The following SERINC5 variants were observed in gnomAD, a reference collection of about 807,000 sequenced individuals.
SERINC5 encodes the protein serine incorporator 5.
A neutral mutation model predicts 63.1 loss-of-function variants in SERINC5; 41 were observed. That is an observed-to-expected ratio of 0.65 (90% CI 0.51 to 0.84). The LOEUF (loss-of-function observed/expected upper bound fraction) is 0.84, where lower values mean the gene tolerates loss of function less well. Ranked by LOEUF, SERINC5 falls within the 40% of genes least tolerant of loss-of-function variation. The pLI, the probability that SERINC5 is intolerant of heterozygous loss-of-function variation, is 0.00. For synonymous variants in SERINC5, 222 were observed against 215.2 expected, an observed-to-expected ratio of 1.03 and a Z score of -0.28; for missense variants, 523 against 573.0, an observed-to-expected ratio of 0.91 and a Z score of 0.89.
chr5:80,149,865 T>C (rs941701522), intron 9 of SERINC5, among the ~76,000 whole-genome samples: 2 of 152,204 alleles, frequency 1.3e-5, no homozygotes, highest in African/African-American at 4.8e-5. Flanking sequence ...AGCTGAGTCC[T>C]TCCCTGGCTG....
intron 1 of SERINC5, among the ~76,000 whole-genome samples, chr5:80,213,245 C>CAAAAAAAAAAAAAG (rs57289084): frequency 5.3e-5 from 7 of 132,682 alleles, no homozygotes; most frequent in African/African-American, 8.6e-5. Flanking sequence ...GACTGCATCT[C>CAAAAAAAAAAAAAG]AAAGAAAGAA....
At chr5:80,144,879 C>T (rs888723959) in intron 11 of SERINC5, among the ~76,000 whole-genome samples, 2 of 151,954 alleles carry the variant, frequency 1.3e-5, no homozygotes, top group African/African-American at 4.8e-5. Context: ...GCCTACATGT[C>T]TAAGCTTAAC....
chr5:80,136,404 T>C (rs1745178139), downstream of SERINC5, among the ~76,000 whole-genome samples: 1 of 152,214 alleles, frequency 6.6e-6, no homozygotes, highest in African/African-American at 2.4e-5. Flanking sequence ...CGGGGTTTCA[T>C]ATTTATATTC....
intron 11 of SERINC5, among the ~76,000 whole-genome samples, chr5:80,126,357 A>G (rs10474608): frequency 0.12 from 17,698 of 152,260 alleles, 1,254 homozygotes; most frequent in South Asian, 0.19. Flanking sequence ...GTTCCCTGCC[A>G]AAGAGAAATG....
chr5:80,142,513 C>A lies in SERINC5; in HGVS notation c.*1150G>T. On this transcript the variant is annotated 3_prime_UTR_variant, in exon 12 of 12. Transcript: ENST00000507668. ...CGCACCTCTTTTTAAGTATATTCGG[C>A]CACTTCCACACATTGCCTAACAAGC... 3 of 985,420 alleles carry A rather than the reference C, an allele frequency of 3.0e-6. No homozygotes were observed. Among genetic ancestry groups the A allele is most frequent in the Non-Finnish European group, 3.6e-6 (3 of 829,948 alleles). 61.0% of individuals were successfully genotyped at this position (985,420 alleles called of 1,614,324 possible). A position where few individuals can be genotyped will look rare whatever the true frequency, so the allele number is the denominator to read the frequency against.
intron 11 of SERINC5, among the ~76,000 whole-genome samples, chr5:80,124,852 C>G (rs1185133569): frequency 6.6e-6 from 1 of 152,158 alleles, no homozygotes; most frequent in African/African-American, 2.4e-5. Context: ...GCCCAACTCC[C>G]ACCCAGGGTG....
chr5:80,181,361 C>T (rs1748405703), intron 2 of SERINC5, among the ~76,000 whole-genome samples: 1 of 151,790 alleles, frequency 6.6e-6, no homozygotes, highest in Non-Finnish European at 1.5e-5. Flanking sequence ...ATCCTCCTAC[C>T]TCAGCTTCCT....
At chr5:80,251,054 A>C (rs559941970) in intron 1 of SERINC5, among the ~76,000 whole-genome samples, 1 of 152,214 alleles carries the variant, frequency 6.6e-6, no homozygotes, top group Non-Finnish European at 1.5e-5. Context: ...GTTAATTAAC[A>C]TAACGGACAT....
In SERINC5 at chr5:80,214,105, C is replaced by G. The variant is rs189839601; in HGVS notation, c.28-11052G>C. Among the ~76,000 whole-genome samples, 31 of 152,238 alleles carry G rather than the reference C, an allele frequency of 2.0e-4. 1 individual carries two copies. In the East Asian group the frequency reaches 4.2e-3, roughly 21 times the overall value. ...CATGTTGTAGAATATAATACACCCA[C>G]TGAAATGATTATATAGGTTATACAG... On this transcript the variant is annotated intron_variant, in intron 1 of 11. Coordinates refer to ENST00000507668, the MANE Select transcript of SERINC5 (RefSeq NM_001174072.3).
At chr5:80,171,386 T>C (rs918572942) in intron 5 of SERINC5, among the ~76,000 whole-genome samples, 1 of 152,092 alleles carries the variant, frequency 6.6e-6, no homozygotes, top group African/African-American at 2.4e-5. Flanking sequence ...GCCATCTTCT[T>C]AGGGAGGAAA....
intron 11 of SERINC5, among the ~76,000 whole-genome samples, chr5:80,144,280 CCT>C (rs754833923): frequency 6.6e-6 from 1 of 152,142 alleles, no homozygotes; most frequent in Non-Finnish European, 1.5e-5. Context: ...GGATGTTTCC[CCT>C]TTTTGATTAT....
chr5:80,157,319 T>C (rs1746603966), intron 8 of SERINC5: 1 of 151,662 alleles, frequency 6.6e-6, no homozygotes, highest in South Asian at 2.1e-4. Flanking sequence ...TTTCATTGGG[T>C]ACCCAGTAAC....
At chr5:80,246,064 T>C (rs572745713) in intron 1 of SERINC5, among the ~76,000 whole-genome samples, 4 of 150,622 alleles carry the variant, frequency 2.7e-5, no homozygotes, top group African/African-American at 9.7e-5. Context: ...AAAGAAAAAT[T>C]ACCACTATAG....
chr5:80,212,475 G>T (rs1750477290), intron 1 of SERINC5, among the ~76,000 whole-genome samples: 1 of 151,984 alleles, frequency 6.6e-6, no homozygotes, highest in South Asian at 2.1e-4. Context: ...GAAGCTTTAG[G>T]GTTACCTTTG....
chr5:80,118,119 C>T (rs1177941149), intron 11 of SERINC5, among the ~76,000 whole-genome samples: 2 of 151,994 alleles, frequency 1.3e-5, no homozygotes, highest in African/African-American at 4.8e-5. Context: ...AAGAGAATTG[C>T]TTGAAACTGG....
chr5:80,227,625 G>T (rs1204241216), intron 1 of SERINC5, among the ~76,000 whole-genome samples: 1 of 134,570 alleles, frequency 7.4e-6, no homozygotes, highest in African/African-American at 2.7e-5. Context: ...AAAAAGAATC[G>T]CATGTGTAGA....
chr5:80,203,691 G>T (rs1750000021), intron 1 of SERINC5, among the ~76,000 whole-genome samples: 1 of 152,060 alleles, frequency 6.6e-6, no homozygotes, highest in Admixed American at 6.6e-5. Context: ...ATTTGGTCTG[G>T]TGCAAGGGCT....
rs143722890 is a variant in SERINC5, at chr5:80,168,288, G to A, written c.763+1047C>T. On this transcript the variant is annotated intron_variant, in intron 6 of 11. Coordinates refer to ENST00000507668, the MANE Select transcript of SERINC5 (RefSeq NM_001174072.3). ...TGGCTCACTGCAAGCCCCGCCTCCC[G>A]GGTTCAAGCAATTCTCCTGCCTCTC... is the stretch of plus-strand genomic sequence containing the variant. 1.8e-3 allele frequency among the ~76,000 whole-genome samples: 268 copies of A among 151,998 alleles called. 1 individual carries two copies. The highest frequency in any genetic ancestry group is 6.2e-3 in the African/African-American group (258 of 41,448).
chr5:80,250,630 AT>A (rs1752369435), intron 1 of SERINC5, among the ~76,000 whole-genome samples: 1 of 152,186 alleles, frequency 6.6e-6, no homozygotes, highest in African/African-American at 2.4e-5. Flanking sequence ...CCGGCCTGGA[AT>A]CATCATTATT....
Sources: gnomAD v4.1 joint callset for allele counts (sites outside exome capture counted in the v4.1 genomes callset) on GRCh38, gnomAD v4.1.1 for gene constraint, MANE v1.5 for transcripts, NCBI Gene and HGNC (gene_info 2026-07-23, HGNC 2026-07-21) for gene names.